RBFOX1: variants seen among roughly 807,000 people sequenced by gnomAD.
The protein encoded by RBFOX1 is RNA binding protein fox-1 homolog 1.
RBFOX1 carries 8 observed loss-of-function variants against 57.7 expected under a neutral mutation model. The observed-to-expected ratio is 0.14, with a 90% CI of 0.08 to 0.25. The LOEUF (loss-of-function observed/expected upper bound fraction) is 0.25, where lower values mean the gene tolerates loss of function less well. Among genes scored for constraint, RBFOX1 ranks in the 10% least tolerant of loss-of-function variants. The pLI, the probability that RBFOX1 is intolerant of heterozygous loss-of-function variation, is 1.00. For missense variants in RBFOX1, 611 were observed against 548.5 expected, an observed-to-expected ratio of 1.11 and a Z score of -1.14; for synonymous variants, 326 against 222.4, an observed-to-expected ratio of 1.47 and a Z score of -4.15.
intron 3 of RBFOX1, among the ~76,000 whole-genome samples, chr16:5,759,048 C>T (rs1360956315): frequency 2.6e-5 from 4 of 152,196 alleles, no homozygotes; most frequent in Non-Finnish European, 5.9e-5. Context: ...CCATTTGAAC[C>T]TCCATTTCTA....
chr16:7,162,074 G>C (rs960685284), intron 4 of RBFOX1, among the ~76,000 whole-genome samples: 3 of 152,168 alleles, frequency 2.0e-5, no homozygotes, highest in Admixed American at 6.5e-5. Context: ...GCTGCAGCCA[G>C]CTCCTCACAA....
At chr16:6,197,526 C>T (rs2097187925) in intron 1 of RBFOX1, among the ~76,000 whole-genome samples, 1 of 150,918 alleles carries the variant, frequency 6.6e-6, no homozygotes, top group African/African-American at 2.4e-5. Context: ...ACTAACTTCT[C>T]TATAATTTCT....
At position 7,205,154 on chromosome 16, in the gene RBFOX1, A is replaced by T. The variant is rs542968400; in HGVS notation, c.27+153056A>T. Among the ~76,000 whole-genome samples, 9 of 152,204 alleles carry T rather than the reference A, an allele frequency of 5.9e-5. No homozygotes were observed. The South Asian group carries it at 1.9e-3, about 32-fold the overall frequency. On this transcript the variant is annotated intron_variant, in intron 4 of 15. Coordinates refer to ENST00000550418, the MANE Select transcript of RBFOX1 (RefSeq NM_018723.4). ...CTGATAGTAAGATAGAGGCTGAGAG[A>T]CCAAGAAAAATAGTGAGAGAGATGA...
intron 3 of RBFOX1, among the ~76,000 whole-genome samples, chr16:5,726,144 G>T (rs549085203): frequency 6.7e-6 from 1 of 149,342 alleles, no homozygotes; most frequent in Admixed American, 6.7e-5. Context: ...AACTCCTTTC[G>T]TCCCAGTTTA....
chr16:6,800,705 T>A (rs2085216274), intron 3 of RBFOX1, among the ~76,000 whole-genome samples: 1 of 152,094 alleles, frequency 6.6e-6, no homozygotes, highest in Admixed American at 6.6e-5. Context: ...GGACGTTCAG[T>A]TTTTCCTAAA....
intron 3 of RBFOX1, among the ~76,000 whole-genome samples, chr16:6,678,865 A>G (rs1319878710): frequency 2.0e-5 from 3 of 152,112 alleles, no homozygotes; most frequent in Admixed American, 6.5e-5. Context: ...TGGGTGGTTT[A>G]TCGCATTGTT....
At chr16:6,337,337 A>G (rs1473614397) in intron 2 of RBFOX1, among the ~76,000 whole-genome samples, 1 of 152,188 alleles carries the variant, frequency 6.6e-6, no homozygotes, top group Non-Finnish European at 1.5e-5. Flanking sequence ...ATGGCTTCTT[A>G]GCAGCGAATA....
chr16:5,303,072 T>C (rs187800957), intron 1 of RBFOX1, among the ~76,000 whole-genome samples: 37 of 152,348 alleles, frequency 2.4e-4, no homozygotes, highest in African/African-American at 8.4e-4. Context: ...GTGTGCTTTT[T>C]TGGGGTGTTG....
intron 3 of RBFOX1, among the ~76,000 whole-genome samples, chr16:6,736,603 T>G (rs2154178796): frequency 6.6e-6 from 1 of 152,336 alleles, no homozygotes; most frequent in African/African-American, 2.4e-5. Flanking sequence ...AGTTGTGAAT[T>G]GTGCCACTAT....
At chr16:6,536,801 C>A (rs2096741625) in intron 2 of RBFOX1, among the ~76,000 whole-genome samples, 1 of 152,134 alleles carries the variant, frequency 6.6e-6, no homozygotes, top group South Asian at 2.1e-4. Flanking sequence ...ATTGATCTGT[C>A]ATGGCCAAGT....
At chr16:6,922,912 T>C (rs931608787) in intron 3 of RBFOX1, among the ~76,000 whole-genome samples, 2 of 152,198 alleles carry the variant, frequency 1.3e-5, no homozygotes, top group African/African-American at 4.8e-5. Context: ...TATATGTCTG[T>C]ATTTCCTTTT....
rs549179158 is a variant in RBFOX1, at chr16:6,996,177, C to G, written c.-15-55880C>G. 1.1e-4 allele frequency among the ~76,000 whole-genome samples: 17 copies of G among 152,228 alleles called. No homozygotes were observed. The South Asian group carries it at 1.2e-3, about 11-fold the overall frequency. On this transcript the variant is annotated intron_variant, in intron 3 of 15. Coordinates refer to ENST00000550418, the MANE Select transcript of RBFOX1 (RefSeq NM_018723.4). Reference sequence around the variant, plus strand: ...TCATCTGAAATAACATGGCAGTTCCCGATAAATCATTGCCTTTTTGATTTC... The same window carrying G: ...TCATCTGAAATAACATGGCAGTTCCGGATAAATCATTGCCTTTTTGATTTC...
intron 3 of RBFOX1, among the ~76,000 whole-genome samples, chr16:6,917,574 G>C (rs918756891): frequency 1.3e-5 from 2 of 152,144 alleles, no homozygotes; most frequent in Non-Finnish European, 2.9e-5. Flanking sequence ...TCCTTCTTCT[G>C]AAATAAAAGT....
intron 1 of RBFOX1, among the ~76,000 whole-genome samples, chr16:5,455,595 G>C (rs1206873054): frequency 2.6e-5 from 4 of 152,084 alleles, no homozygotes; most frequent in Non-Finnish European, 4.4e-5. Context: ...TCTCCCTTAG[G>C]TTTCTATGAT....
intron 2 of RBFOX1, among the ~76,000 whole-genome samples, chr16:5,575,730 C>T (rs1484014252): frequency 6.6e-6 from 1 of 152,114 alleles, no homozygotes; most frequent in African/African-American, 2.4e-5. Flanking sequence ...GGGCTGATGC[C>T]TCCCTGTCCA....
chr16:6,756,229 C>G (rs1242128175), intron 3 of RBFOX1, among the ~76,000 whole-genome samples: 1 of 152,058 alleles, frequency 6.6e-6, no homozygotes, highest in African/African-American at 2.4e-5. Flanking sequence ...GGAAAGGACA[C>G]CCTCTTCAAT....
chr16:7,280,590 C>T (rs1402449072), intron 4 of RBFOX1, among the ~76,000 whole-genome samples: 3 of 152,312 alleles, frequency 2.0e-5, no homozygotes, highest in South Asian at 4.1e-4. Flanking sequence ...AGTGACATCT[C>T]AGTGGGGCCG....
intron 3 of RBFOX1, among the ~76,000 whole-genome samples, chr16:5,679,700 T>C (rs933868129): frequency 1.3e-5 from 2 of 152,172 alleles, no homozygotes; most frequent in Non-Finnish European, 2.9e-5. Context: ...GTAATGAACT[T>C]TTTAGTATGG....
intron 7 of RBFOX1, among the ~76,000 whole-genome samples, chr16:7,594,687 C>T (rs2094601588): frequency 6.6e-6 from 1 of 152,154 alleles, no homozygotes; most frequent in African/African-American, 2.4e-5. Flanking sequence ...TTACAAATTA[C>T]ATTCTATTAA....
Sources: gnomAD v4.1 joint callset for allele counts (sites outside exome capture counted in the v4.1 genomes callset) on GRCh38, gnomAD v4.1.1 for gene constraint, MANE v1.5 for transcripts, NCBI Gene and HGNC (gene_info 2026-07-23, HGNC 2026-07-21) for gene names.